The following NRXN3 variants were observed in gnomAD, a reference collection of about 807,000 sequenced individuals.
The protein encoded by NRXN3 is neurexin 3.
A neutral mutation model predicts 137.6 loss-of-function variants in NRXN3; 32 were observed. The ratio of observed to expected loss-of-function variants is 0.23; its 90% CI spans 0.18 to 0.31. The LOEUF is 0.31. NRXN3 is among the 10% of genes least tolerant of loss of function. The pLI is 1.00. For missense variants in NRXN3, 1,574 were observed against 2,062.5 expected, an observed-to-expected ratio of 0.76 and a Z score of 4.59; for synonymous variants, 798 against 784.5, an observed-to-expected ratio of 1.02 and a Z score of -0.29.
chr14:79,058,406 A>G (rs1299651260), intron 15 of NRXN3, among the ~76,000 whole-genome samples: 1 of 152,124 alleles, frequency 6.6e-6, no homozygotes, highest in Non-Finnish European at 1.5e-5. Context: ...GGAGAAATAG[A>G]CAATGGAACA....
At chr14:79,282,861 C>T (rs1240370254) in intron 15 of NRXN3, among the ~76,000 whole-genome samples, 3 of 152,136 alleles carry the variant, frequency 2.0e-5, no homozygotes, top group Admixed American at 6.6e-5. Flanking sequence ...AGAGTGAATG[C>T]ATCTGTATTA....
chr14:79,545,473 T>G (rs4903865), intron 16 of NRXN3, among the ~76,000 whole-genome samples: 149,811 of 152,168 alleles, frequency 0.98, 73,792 homozygotes, highest in Middle Eastern at 1. Flanking sequence ...CACCTTTAAG[T>G]ATCCTGTGAT....
chr14:78,736,163 A>G (rs2098540378), intron 8 of NRXN3, among the ~76,000 whole-genome samples: 1 of 152,206 alleles, frequency 6.6e-6, no homozygotes, highest in Admixed American at 6.5e-5. Context: ...AAGCTGCCAG[A>G]TGTCAATTTG....
chr14:79,762,331 C>T (rs1044485426), intron 19 of NRXN3, among the ~76,000 whole-genome samples: 2 of 151,594 alleles, frequency 1.3e-5, no homozygotes, highest in African/African-American at 2.4e-5. Context: ...ATGCTGCACT[C>T]GCATGCTCAA....
chr14:78,553,231 C>T lies in NRXN3; in HGVS notation c.758-91889C>T, dbSNP rs566094842. Among the ~76,000 whole-genome samples the T allele has an allele frequency of 3.5e-4, 53 of 152,260 alleles. 2 individuals are homozygous for T. Among genetic ancestry groups the T allele is most frequent in the African/African-American group, 1.0e-3 (43 of 41,550 alleles). On this transcript the variant is annotated intron_variant, in intron 4 of 20. Coordinates refer to ENST00000335750, the MANE Select transcript of NRXN3 (RefSeq NM_001330195.2). ...GTGTTTCTTAGATCCCAAATAAGTA[C>T]TGAGGGGTCCTATATTCATTTCAAC...
intron 16 of NRXN3, among the ~76,000 whole-genome samples, chr14:79,626,508 T>C (rs1340504829): frequency 6.6e-6 from 1 of 152,024 alleles, no homozygotes; most frequent in African/African-American, 2.4e-5. Flanking sequence ...AGAAGAGAAA[T>C]GGAAATATGG....
At chr14:78,784,987 T>A (rs1482364318) in intron 8 of NRXN3, among the ~76,000 whole-genome samples, 3 of 152,110 alleles carry the variant, frequency 2.0e-5, no homozygotes, top group Non-Finnish European at 4.4e-5. Flanking sequence ...GGGGCTCAGA[T>A]CATATGCGAT....
At chr14:79,112,469 G>T (rs1268624881) in intron 15 of NRXN3, among the ~76,000 whole-genome samples, 2 of 152,168 alleles carry the variant, frequency 1.3e-5, no homozygotes, top group African/African-American at 4.8e-5. Context: ...TTCTGTAATT[G>T]TTGGCAGAGT....
At chr14:79,361,996 AATTATTATTATTATTATT>A (rs3036671) in intron 15 of NRXN3, among the ~76,000 whole-genome samples, 2 of 142,120 alleles carry the variant, frequency 1.4e-5, no homozygotes, top group African/African-American at 5.1e-5. Context: ...CTACTTTTAT[AATTATTATTATTATTATT>A]ATTATTATTA....
At chr14:78,757,029 C>T (rs1279228219) in intron 8 of NRXN3, among the ~76,000 whole-genome samples, 1 of 152,158 alleles carries the variant, frequency 6.6e-6, no homozygotes, top group Non-Finnish European at 1.5e-5. Context: ...GAACTTGTTA[C>T]TCTCATCTGA....
Position 78,529,965 on chromosome 14 carries a change from A to C in NRXN3, c.758-115155A>C, listed in dbSNP as rs140552213. ...CATAGTTCTCTGCTGTACAAATAGG[A>C]AGTCAATAATACTTGTTGAATTAAT... On this transcript the variant is annotated intron_variant, in intron 4 of 20. Coordinates refer to ENST00000335750, the MANE Select transcript of NRXN3 (RefSeq NM_001330195.2). 5.5e-3 allele frequency among the ~76,000 whole-genome samples: 841 copies of C among 152,334 alleles called. 4 individuals are homozygous for C. Among genetic ancestry groups the C allele is most frequent in the Middle Eastern group, 0.017 (5 of 294 alleles).
chr14:78,821,849 A>G (rs1257900506), intron 10 of NRXN3, among the ~76,000 whole-genome samples: 1 of 152,194 alleles, frequency 6.6e-6, no homozygotes, highest in Non-Finnish European at 1.5e-5. Flanking sequence ...TGCTCGGTTT[A>G]CTTATTGACA....
At chr14:78,809,815 C>T (rs1035994509) in intron 9 of NRXN3, among the ~76,000 whole-genome samples, 14 of 152,064 alleles carry the variant, frequency 9.2e-5, no homozygotes, top group African/African-American at 3.4e-4. Flanking sequence ...TACAATCAGT[C>T]AGACTGGTGA....
chr14:78,822,928 C>T (rs966661299), intron 10 of NRXN3, among the ~76,000 whole-genome samples: 6 of 152,150 alleles, frequency 3.9e-5, no homozygotes, highest in African/African-American at 1.4e-4. Flanking sequence ...CTTCTAATCA[C>T]TAATACCTCC....
chr14:79,429,941 T>A (rs576478140), intron 15 of NRXN3, among the ~76,000 whole-genome samples: 1 of 152,166 alleles, frequency 6.6e-6, no homozygotes, highest in East Asian at 1.9e-4. Context: ...TCAGGTTGCC[T>A]ATAAGTTATT....
intron 8 of NRXN3, among the ~76,000 whole-genome samples, chr14:78,737,025 C>T (rs746193912): frequency 6.6e-6 from 1 of 152,110 alleles, no homozygotes; most frequent in Non-Finnish European, 1.5e-5. Context: ...TTGGTATATC[C>T]TCTCATTCTT....
intron 14 of NRXN3, among the ~76,000 whole-genome samples, chr14:78,969,065 A>T (rs545123817): frequency 6.6e-6 from 1 of 152,344 alleles, no homozygotes; most frequent in South Asian, 2.1e-4. Context: ...CTTGAATGTA[A>T]GGAGATCAGA....
intron 15 of NRXN3, among the ~76,000 whole-genome samples, chr14:79,239,005 G>A (rs1480499731): frequency 2.0e-5 from 3 of 151,988 alleles, no homozygotes; most frequent in Non-Finnish European, 2.9e-5. Context: ...TTTTCCATGG[G>A]GGAAATGATC....
intron 4 of NRXN3, among the ~76,000 whole-genome samples, chr14:78,344,810 A>C (rs999963652): frequency 4.6e-5 from 7 of 152,098 alleles, no homozygotes; most frequent in African/African-American, 1.4e-4. Flanking sequence ...GCTTGTTACA[A>C]ATGCTGGTAC....
Sources: allele counts gnomAD v4.1 joint callset (sites outside exome capture counted in the v4.1 genomes callset), GRCh38; gene constraint gnomAD v4.1.1; transcripts MANE v1.5; gene names NCBI Gene and HGNC (gene_info 2026-07-23, HGNC 2026-07-21).